AGAP1: variants seen among roughly 807,000 people sequenced by gnomAD.
AGAP1 encodes arf-GAP with GTPase, ANK repeat and PH domain-containing protein 1.
Under a neutral mutation model 105.3 loss-of-function variants are expected in AGAP1, and 29 were observed. The ratio of observed to expected loss-of-function variants is 0.28; its 90% CI spans 0.21 to 0.38. The LOEUF (loss-of-function observed/expected upper bound fraction) is 0.38, where lower values mean the gene tolerates loss of function less well. AGAP1 is among the 10% of genes least tolerant of loss of function. AGAP1 has a pLI of 1.00. For missense variants in AGAP1, 998 were observed against 1,165.1 expected, an observed-to-expected ratio of 0.86 and a Z score of 2.09; for synonymous variants, 509 against 485.9, an observed-to-expected ratio of 1.05 and a Z score of -0.63.
In AGAP1 at chr2:235,979,580, A is replaced by G. The variant is rs2055003632; in HGVS notation, c.1645+10957A>G. 6.6e-6 allele frequency among the ~76,000 whole-genome samples: 1 copy of G among 152,150 alleles called. No homozygotes were observed. The highest frequency in any genetic ancestry group is 1.5e-5 in the Non-Finnish European group (1 of 68,036). On this transcript the variant is annotated intron_variant, in intron 13 of 17. Transcript: ENST00000304032. This position sits in a 1 kb window ranked among gnomAD's most constrained non-coding sequence, Gnocchi z 4.5. ...ACATACCATAGGCACCAAGGTGTGG[A>G]GCCAGTGAAAGAACAGGCGCAGCGA...
chr2:235,766,725 G>A (rs1375810827), intron 6 of AGAP1, among the ~76,000 whole-genome samples: 1 of 152,094 alleles, frequency 6.6e-6, no homozygotes, highest in East Asian at 1.9e-4. Flanking sequence ...AGAAAAGTTG[G>A]CCAAAGATAC....
At chr2:235,575,576 C>T (rs1185511549) in intron 1 of AGAP1, among the ~76,000 whole-genome samples, 6 of 149,334 alleles carry the variant, frequency 4.0e-5, no homozygotes, top group Admixed American at 2.0e-4. Context: ...CTGCCTCCTC[C>T]GTGAGCTGTG....
intron 6 of AGAP1, among the ~76,000 whole-genome samples, chr2:235,796,547 CCTCT>C (rs1190736398): frequency 1.3e-5 from 2 of 152,232 alleles, no homozygotes; most frequent in African/African-American, 4.8e-5. Context: ...GCTGCTTCTT[CCTCT>C]CTGTGAGCCA....
chr2:236,098,423 A>C (rs1277556148), intron 16 of AGAP1, among the ~76,000 whole-genome samples: 1 of 151,962 alleles, frequency 6.6e-6, no homozygotes, highest in Non-Finnish European at 1.5e-5. Flanking sequence ...ATAAAAAATC[A>C]GCCGGGCATG....
intron 1 of AGAP1, among the ~76,000 whole-genome samples, chr2:235,704,273 A>G (rs1950412237): frequency 6.6e-6 from 1 of 152,234 alleles, no homozygotes; most frequent in Non-Finnish European, 1.5e-5. Context: ...TTACACTTGT[A>G]ACATCTGCTT....
intron 1 of AGAP1, among the ~76,000 whole-genome samples, chr2:235,584,415 G>C (rs894368013): frequency 1.3e-5 from 2 of 149,978 alleles, no homozygotes; most frequent in African/African-American, 4.9e-5. Context: ...AGCTGTGTGT[G>C]TGGCCATACT....
At position 235,792,121 on chromosome 2, in the gene AGAP1, C is replaced by T. The variant is rs1474182331; in HGVS notation, c.674-5638C>T. 2.6e-5 allele frequency among the ~76,000 whole-genome samples: 4 copies of T among 152,174 alleles called. No homozygotes were observed. Among genetic ancestry groups the T allele is most frequent in the African/African-American group, 7.2e-5 (3 of 41,434 alleles). ...CTCCCCCGCCTCCCAAGTTACTGGC[C>T]TCACTGTGCTCCAGCTTTCCCAGTA... On this transcript the variant is annotated intron_variant, in intron 6 of 17. Transcript: ENST00000304032. This position sits in a 1 kb window ranked among gnomAD's most constrained non-coding sequence, Gnocchi z 5.3.
intron 16 of AGAP1, 165 bp downstream of exon 16, chr2:236,049,446 G>A (rs1157690503): frequency 1.6e-6 from 1 of 633,860 alleles, no homozygotes; most frequent in Non-Finnish European, 2.7e-6. Flanking sequence ...AGTTGGTCTT[G>A]AGCAGACGTG....
intron 6 of AGAP1, among the ~76,000 whole-genome samples, chr2:235,759,322 C>T (rs1232715306): frequency 3.9e-5 from 6 of 152,000 alleles, no homozygotes; most frequent in South Asian, 4.2e-4. Flanking sequence ...GCGCCTGCCA[C>T]CACGCCCGGC....
At chr2:235,630,983 A>C (rs1946810906) in intron 1 of AGAP1, among the ~76,000 whole-genome samples, 1 of 152,180 alleles carries the variant, frequency 6.6e-6, no homozygotes, top group South Asian at 2.1e-4. Context: ...GCGGAAGCAT[A>C]TTGTGAACAC....
Position 235,963,299 on chromosome 2 carries a change from C to T in AGAP1, c.1484-5163C>T, listed in dbSNP as rs953619547. 1.3e-5 allele frequency among the ~76,000 whole-genome samples: 2 copies of T among 152,162 alleles called. No individual in the cohort carries two copies. The highest frequency in any genetic ancestry group is 2.4e-5 in the African/African-American group (1 of 41,446). ...AAGTGGGAAGGGGCCTAGAAACAGA[C>T]GTGCCATTTTGATTTCCAGAAACGT... On this transcript the variant is annotated intron_variant, in intron 12 of 17. Transcript: ENST00000304032. This position sits in a 1 kb window ranked among gnomAD's most constrained non-coding sequence, Gnocchi z 5.1.
Position 235,777,539 on chromosome 2 carries a change from C to T in AGAP1, c.674-20220C>T, listed in dbSNP as rs192751435. Among the ~76,000 whole-genome samples, 129 of 152,316 alleles carry T rather than the reference C, an allele frequency of 8.5e-4. 1 individual carries two copies. The highest frequency in any genetic ancestry group is 1.0e-3 in the African/African-American group (43 of 41,572). ...AAACCGTTGTTTCACCAGCAAATTA[C>T]GCTGGCTGTACTCGCCATGTCCTGT... On this transcript the variant is annotated intron_variant, in intron 6 of 17. Coordinates refer to ENST00000304032, the MANE Select transcript of AGAP1 (RefSeq NM_001037131.3). The surrounding 1 kb of genome is among the most constrained non-coding windows in gnomAD (Gnocchi z 5.1).
rs567276832 is a variant in AGAP1 at position 236,026,116 on chromosome 2, C to T, written c.1646-10445C>T. ...TTCCTTCCCATGGAGAGGGCAGAGG[C>T]ACCTGCACCTGCACCTGTGGGCCAT... On this transcript the variant is annotated intron_variant, in intron 13 of 17. Coordinates refer to ENST00000304032, the MANE Select transcript of AGAP1 (RefSeq NM_001037131.3). 9.2e-5 allele frequency among the ~76,000 whole-genome samples: 14 copies of T among 152,346 alleles called. No homozygotes were observed. In the East Asian group the frequency reaches 1.9e-3, roughly 21 times the overall value.
intron 10 of AGAP1, among the ~76,000 whole-genome samples, chr2:235,902,987 G>A (rs766129337): frequency 6.6e-6 from 1 of 152,102 alleles, no homozygotes; most frequent in African/African-American, 2.4e-5. Flanking sequence ...ACAGTTTGGG[G>A]CTACTACTTT....
chr2:235,598,483 A>T (rs752037814), intron 1 of AGAP1, among the ~76,000 whole-genome samples: 5 of 152,192 alleles, frequency 3.3e-5, no homozygotes, highest in Non-Finnish European at 5.9e-5. Context: ...CCTATGGGAA[A>T]CTTGGTTGCA....
intron 1 of AGAP1, among the ~76,000 whole-genome samples, chr2:235,509,424 G>A (rs1574717764): frequency 2.0e-5 from 3 of 151,618 alleles, no homozygotes; most frequent in Admixed American, 6.6e-5. Context: ...TAGTAGAGAC[G>A]GTTTCACCAT....
At chr2:235,540,661 A>C (rs959600146) in intron 1 of AGAP1, among the ~76,000 whole-genome samples, 2 of 152,172 alleles carry the variant, frequency 1.3e-5, no homozygotes, top group Non-Finnish European at 2.9e-5. Context: ...GCTGGGAGAG[A>C]GTAATGGTGA....
At chr2:235,850,768 A>C (rs950967591) in intron 9 of AGAP1, among the ~76,000 whole-genome samples, 8 of 152,308 alleles carry the variant, frequency 5.3e-5, no homozygotes, top group African/African-American at 1.9e-4. Context: ...CACACATTTG[A>C]GATTTGAAAG....
chr2:235,616,778 A>T (rs1401042219), intron 1 of AGAP1, among the ~76,000 whole-genome samples: 3 of 152,232 alleles, frequency 2.0e-5, no homozygotes, highest in Non-Finnish European at 4.4e-5. Flanking sequence ...AAAAACAAAT[A>T]GTGAAAACAA....
Sources: allele counts gnomAD v4.1 joint callset (sites outside exome capture counted in the v4.1 genomes callset), GRCh38; gene constraint gnomAD v4.1.1; non-coding constraint Gnocchi (gnomAD v3.1); transcripts MANE v1.5; gene names NCBI Gene and HGNC (gene_info 2026-07-23, HGNC 2026-07-21).